The following NAP1L4 variants were observed in gnomAD, a reference collection of about 807,000 sequenced individuals.
NAP1L4 encodes nucleosome assembly protein 1 like 4, also known as nucleosome assembly protein 1-like 4.
NAP1L4 carries 15 observed loss-of-function variants against 58.2 expected under a neutral mutation model. The ratio of observed to expected loss-of-function variants is 0.26; its 90% confidence interval spans 0.17 to 0.40. NAP1L4 has a LOEUF of 0.40. Ranked by LOEUF, NAP1L4 falls within the 10% of genes least tolerant of loss-of-function variation. The pLI is 1.00. For synonymous variants in NAP1L4, 171 were observed against 155.6 expected, an observed-to-expected ratio of 1.10 and a Z score of -0.74; for missense variants, 384 against 451.1, an observed-to-expected ratio of 0.85 and a Z score of 1.35.
At chr11:2,958,220 C>G (rs1481680099) in intron 10 of NAP1L4, 179 bp downstream of exon 10, 1 of 710,924 alleles carries the variant, frequency 1.4e-6, no homozygotes, top group African/African-American at 1.7e-5. Flanking sequence ...GCTACCTCTG[C>G]CCCCCGCGAT....
rs75045553 is a variant in NAP1L4 at position 2,945,046 on chromosome 11, TAA to T, written c.*631_*632del. 6.1e-5 allele frequency: 8 copies of T among 130,124 alleles called. No homozygotes were observed. Among genetic ancestry groups the T allele is most frequent in the Non-Finnish European group, 1.0e-4 (6 of 59,834 alleles). The allele number at this position is 130,124 out of a possible 1,614,324, so 8.1% of individuals were successfully genotyped here. A position where few individuals can be genotyped will look rare whatever the true frequency, so the allele number is the denominator to read the frequency against. On this transcript the variant is annotated 3_prime_UTR_variant, in exon 16 of 16. Coordinates refer to ENST00000380542, the MANE Select transcript of NAP1L4 (RefSeq NM_005969.4). The stretch of plus-strand genomic sequence containing the variant: ...GTGTGTCACAACCCTGACCCACCCC[TAA>T]AAAAAAAAAAAAATCAAGAAGCAAC...
At chr11:2,961,238 G>A (rs1846885340) in intron 8 of NAP1L4, among the ~76,000 whole-genome samples, 1 of 152,162 alleles carries the variant, frequency 6.6e-6, no homozygotes, top group African/African-American at 2.4e-5. Context: ...GAAAGGTGGA[G>A]GAGGAGGCGG....
chr11:2,986,626 A>ATTTT (rs66494210), intron 1 of NAP1L4, among the ~76,000 whole-genome samples: 11,529 of 139,612 alleles, frequency 0.083, 625 homozygotes, highest in African/African-American at 0.13. Flanking sequence ...ATGGTAGTAA[A>ATTTT]TTTTTTTTTT....
intron 1 of NAP1L4, among the ~76,000 whole-genome samples, chr11:2,987,561 G>A (rs1157634405): frequency 6.6e-6 from 1 of 151,380 alleles, no homozygotes; most frequent in Non-Finnish European, 1.5e-5. Flanking sequence ...TTCGAGACCA[G>A]CCTGACCAAT....
At chr11:2,991,793 C>T (rs1848989913) in intron 1 of NAP1L4, 1 of 152,292 alleles carries the variant, frequency 6.6e-6, no homozygotes, top group Non-Finnish European at 1.5e-5. Context: ...GACGTCTCCA[C>T]CTTAAAAACG....
At chr11:2,958,738 C>A in intron 9 of NAP1L4, 194 bp from the exon 10 acceptor site, 1 of 589,274 alleles carries the variant, frequency 1.7e-6, no homozygotes, top group African/African-American at 1.9e-5. Context: ...CCTCTTTCAA[C>A]TTGGGTGTGA....
chr11:2,958,362 T>A, intron 10 of NAP1L4, 37 bp downstream of exon 10: 1 of 1,608,394 alleles, frequency 6.2e-7, no homozygotes, highest in Non-Finnish European at 8.5e-7. Flanking sequence ...TTATTTTATA[T>A]AAGAACATAA....
At position 2,959,749 on chromosome 11, in the gene NAP1L4, G is replaced by T; in HGVS notation, c.746+21C>A. ...TTTTGATTTTGTTTCAGAAAAACAA[G>T]GTAGAATGACATTTTCTTACCCGTC... On this transcript the variant is annotated intron_variant, in intron 9 of 15. Transcript: ENST00000380542. This position sits in a 1 kb window ranked among gnomAD's most constrained non-coding sequence, Gnocchi z 4.9. 1 of 1,608,764 alleles carries T rather than the reference G, an allele frequency of 6.2e-7. No individual in the cohort carries two copies. The highest frequency in any genetic ancestry group is 1.1e-5 in the South Asian group (1 of 90,304).
In NAP1L4 at chr11:2,976,079, C is replaced by T. The variant is rs1460557337; in HGVS notation, c.118G>A (p.Ala40Thr). ...ACATTGTCAAGTCGCTCCTGTAAAG[C>T]TGCCAGAACTCGAGGATTCTGCATC... ...QVMQNPRVLA[A>T]LQERLDNVPH... Residue 40 changes from alanine (A) to threonine (T), a missense_variant, in exon 4 of 16, where the codon GCT becomes ACT. This residue lies in a region of NAP1L4 where 84 missense variants were observed against 73.7 expected (regional missense o/e 1.14). Coordinates refer to ENST00000380542, the MANE Select transcript of NAP1L4 (RefSeq NM_005969.4). 5 of 1,613,926 alleles carry T rather than the reference C, an allele frequency of 3.1e-6. No homozygotes were observed. Among genetic ancestry groups the T allele is most frequent in the African/African-American group, 1.3e-5 (1 of 74,928 alleles).
In NAP1L4 at chr11:2,951,464, T is replaced by C. The variant is rs920843631; in HGVS notation, c.1066-149A>G. 5.5e-6 allele frequency: 4 copies of C among 728,806 alleles called. No individual in the cohort carries two copies. Among genetic ancestry groups the C allele is most frequent in the African/African-American group, 1.8e-5 (1 of 56,848 alleles). 45.1% of individuals were successfully genotyped at this position (728,806 alleles called of 1,614,324 possible). On this transcript the variant is annotated intron_variant, in intron 13 of 15. Coordinates refer to ENST00000380542, the MANE Select transcript of NAP1L4 (RefSeq NM_005969.4). The surrounding 1 kb of genome is among the most constrained non-coding windows in gnomAD (Gnocchi z 4.0). ...TGACTCATCACTTCCTTTGGACACT[T>C]AGAATTATTTCTAGGTATCTTTTTG...
Position 2,959,131 on chromosome 11 carries a change from T to C in NAP1L4, c.747-587A>G, listed in dbSNP as rs563753709. On this transcript the variant is annotated intron_variant, in intron 9 of 15. Coordinates refer to ENST00000380542, the MANE Select transcript of NAP1L4 (RefSeq NM_005969.4). This position sits in a 1 kb window ranked among gnomAD's most constrained non-coding sequence, Gnocchi z 4.9. ...AAGGCCAGGCCTTTTTCTCACATGA[T>C]GTCCTGGCCCTGGAAAATCATCTTT... Among the ~76,000 whole-genome samples the C allele has an allele frequency of 3.5e-4, 53 of 152,360 alleles. No homozygotes were observed. Among genetic ancestry groups the C allele is most frequent in the African/African-American group, 1.1e-3 (45 of 41,578 alleles).
At chr11:2,956,161 AG>A (rs763819636) in intron 10 of NAP1L4, among the ~76,000 whole-genome samples, 38 of 152,362 alleles carry the variant, frequency 2.5e-4, no homozygotes, top group Non-Finnish European at 4.0e-4. Flanking sequence ...ATGATGGTGC[AG>A]GAAAGAGAAA....
intron 7 of NAP1L4, among the ~76,000 whole-genome samples, chr11:2,965,688 G>T (rs1483422876): frequency 1.3e-5 from 2 of 152,124 alleles, no homozygotes; most frequent in Non-Finnish European, 2.9e-5. Flanking sequence ...CGCCAACCAT[G>T]CCCGGCTAAT....
chr11:2,945,994 C>G (rs1370118387), intron 15 of NAP1L4, among the ~76,000 whole-genome samples: 1 of 152,164 alleles, frequency 6.6e-6, no homozygotes, highest in African/African-American at 2.4e-5. Context: ...GAGCACAGTG[C>G]GCTCAACACG....
intron 10 of NAP1L4, among the ~76,000 whole-genome samples, chr11:2,957,693 T>TAAA (rs1207645107): frequency 6.6e-6 from 1 of 152,226 alleles, no homozygotes; most frequent in African/African-American, 2.4e-5. Context: ...GGTCAACCTT[T>TAAA]ACTAGCTCAA....
At chr11:2,968,601 G>A (rs150204926) in intron 7 of NAP1L4, among the ~76,000 whole-genome samples, 2 of 152,194 alleles carry the variant, frequency 1.3e-5, no homozygotes, top group Non-Finnish European at 2.9e-5. Context: ...AGCAGAGGCA[G>A]CAATGTGATA....
intron 1 of NAP1L4, among the ~76,000 whole-genome samples, chr11:2,983,168 T>A (rs1848426286): frequency 6.6e-6 from 1 of 152,218 alleles, no homozygotes; most frequent in Admixed American, 6.5e-5. Flanking sequence ...TCCCTTTTGA[T>A]GCTGTTCACT....
At chr11:2,982,547 T>C (rs1223419450) in intron 1 of NAP1L4, among the ~76,000 whole-genome samples, 1 of 152,168 alleles carries the variant, frequency 6.6e-6, no homozygotes, top group Non-Finnish European at 1.5e-5. Flanking sequence ...GAAACTCCAC[T>C]AGGGAGGGAC....
At position 2,959,760 on chromosome 11, in the gene NAP1L4, A is replaced by G; in HGVS notation, c.746+10T>C. The G allele has an allele frequency of 1.2e-6, 2 of 1,609,342 alleles. No individual in the cohort carries two copies. The highest frequency in any genetic ancestry group is 1.7e-6 in the Non-Finnish European group (2 of 1,178,676). Reference sequence around the variant, plus strand: ...TTTCAGAAAAACAAGGTAGAATGACATTTTCTTACCCGTCACAGTCCACAA... The same window carrying G: ...TTTCAGAAAAACAAGGTAGAATGACGTTTTCTTACCCGTCACAGTCCACAA... On this transcript the variant is annotated intron_variant, in intron 9 of 15. Coordinates refer to ENST00000380542, the MANE Select transcript of NAP1L4 (RefSeq NM_005969.4). This position sits in a 1 kb window ranked among gnomAD's most constrained non-coding sequence, Gnocchi z 4.9.
Sources: gnomAD v4.1 joint callset for allele counts (sites outside exome capture counted in the v4.1 genomes callset) on GRCh38, gnomAD v4.1.1 for gene constraint, gnomAD v4.1.1 regional missense constraint, Gnocchi (gnomAD v3.1) non-coding constraint, MANE v1.5 for transcripts, NCBI Gene and HGNC (gene_info 2026-07-23, HGNC 2026-07-21) for gene names.